The following SAMSN1 variants were observed in gnomAD, a reference collection of about 807,000 sequenced individuals.
SAMSN1 encodes the protein SAM domain-containing protein SAMSN-1.
In SAMSN1, 31 loss-of-function variants were observed where a neutral mutation model predicts 42.0. The observed-to-expected ratio is 0.74, with a 90% CI of 0.55 to 1.00. The LOEUF is 1.00. Among genes scored for constraint, SAMSN1 ranks in the 50% least tolerant of loss-of-function variants. The pLI is 0.00. For missense variants in SAMSN1, 464 were observed against 439.4 expected (o/e 1.06, Z -0.50); for synonymous variants, 178 against 151.9 (o/e 1.17, Z -1.26).
chr21:14,622,994 C>A (rs1157454785), intron 2 of SAMSN1, among the ~76,000 whole-genome samples: 1 of 152,172 alleles, frequency 6.6e-6, no homozygotes, highest in African/African-American at 2.4e-5. Flanking sequence ...GAATTTTCAA[C>A]CCAGAATTTC....
At chr21:14,612,518 T>C in intron 4 of SAMSN1, 2 of 398,696 alleles carry the variant, frequency 5.0e-6, no homozygotes, top group Non-Finnish European at 1.0e-5. Flanking sequence ...TTTCTGCTAA[T>C]TTTTTATTGT....
upstream of SAMSN1, among the ~76,000 whole-genome samples, chr21:14,587,993 G>T (rs1054146107): frequency 3.7e-5 from 5 of 133,410 alleles, no homozygotes; most frequent in African/African-American, 8.5e-5. Context: ...GAGAATATGC[G>T]GTGTTTGGTT....
At chr21:14,586,155 TG>T (rs1981908441), upstream of SAMSN1, among the ~76,000 whole-genome samples, 1 of 144,990 alleles carries the variant, frequency 6.9e-6, no homozygotes, top group African/African-American at 2.6e-5. Flanking sequence ...CCCAGCTACT[TG>T]GGAGGCTGAG....
chr21:14,507,420 C>G (rs1987464199), intron 5 of SAMSN1, among the ~76,000 whole-genome samples: 1 of 152,130 alleles, frequency 6.6e-6, no homozygotes, highest in Admixed American at 6.5e-5. Context: ...AGAATCAAAT[C>G]AAGAACTCAA....
At chr21:14,509,676 G>A (rs1052049793) in intron 5 of SAMSN1, among the ~76,000 whole-genome samples, 4 of 152,136 alleles carry the variant, frequency 2.6e-5, no homozygotes, top group Non-Finnish European at 5.9e-5. Context: ...GCAAGTATCA[G>A]GCAGAGTTGG....
intron 1 of SAMSN1, among the ~76,000 whole-genome samples, chr21:14,656,532 G>A (rs534975690): frequency 5.3e-5 from 8 of 151,700 alleles, no homozygotes; most frequent in Non-Finnish European, 1.0e-4. Flanking sequence ...TGCCTCAAAT[G>A]AGCAAGTTTT....
chr21:14,520,874 C>A (rs530112369), intron 2 of SAMSN1, among the ~76,000 whole-genome samples: 4 of 151,786 alleles, frequency 2.6e-5, no homozygotes, highest in Admixed American at 6.6e-5. Flanking sequence ...GTTGAGAGTT[C>A]CTCTTTTTTT....
At chr21:14,581,344 CTTTTTTTTTTTTT>C (rs56728511) in intron 2 of SAMSN1, among the ~76,000 whole-genome samples, 12 of 32,588 alleles carry the variant, frequency 3.7e-4, no homozygotes, top group East Asian at 1.3e-3. Flanking sequence ...AATAATATTT[CTTTTTTTTTTTTT>C]TTTTTTTTTT....
chr21:14,521,795 C>A (rs1406040366), intron 1 of SAMSN1, among the ~76,000 whole-genome samples: 2 of 151,766 alleles, frequency 1.3e-5, no homozygotes, highest in Non-Finnish European at 2.9e-5. Flanking sequence ...TTGACAGGTG[C>A]AGCAAAACAC....
intron 1 of SAMSN1, among the ~76,000 whole-genome samples, chr21:14,531,316 T>C (rs1979254035): frequency 2.0e-5 from 3 of 152,138 alleles, no homozygotes; most frequent in South Asian, 4.1e-4. Flanking sequence ...ATGTATTTTG[T>C]ATAGTGTCAT....
upstream of SAMSN1, chr21:14,658,869 G>A: frequency 2.9e-6 from 2 of 694,190 alleles, no homozygotes; most frequent in East Asian, 2.7e-5. Context: ...AGTTCTCATG[G>A]GAGATTATTA....
At chr21:14,490,307 CAT>C (rs1986629606) in intron 7 of SAMSN1, among the ~76,000 whole-genome samples, 1 of 152,178 alleles carries the variant, frequency 6.6e-6, no homozygotes, top group Non-Finnish European at 1.5e-5. Context: ...TGTTAAAATT[CAT>C]ATGAGAATAC....
chr21:14,626,055 C>T (rs1240781237), intron 2 of SAMSN1, among the ~76,000 whole-genome samples: 1 of 152,150 alleles, frequency 6.6e-6, no homozygotes. Context: ...ATAAATGGTG[C>T]TGGGAATACT....
chr21:14,564,450 T>C (rs1200709626), intron 2 of SAMSN1, among the ~76,000 whole-genome samples: 3 of 152,190 alleles, frequency 2.0e-5, no homozygotes, highest in Admixed American at 6.5e-5. Flanking sequence ...TCTCCTGTGT[T>C]GCAAAGAGAA....
intron 1 of SAMSN1, among the ~76,000 whole-genome samples, chr21:14,526,446 T>A (rs918832036): frequency 6.6e-6 from 1 of 152,188 alleles, no homozygotes; most frequent in African/African-American, 2.4e-5. Flanking sequence ...TTGAACACAT[T>A]TGTGTATGTG....
intron 2 of SAMSN1, among the ~76,000 whole-genome samples, chr21:14,579,855 G>C (rs1600942366): frequency 6.6e-6 from 1 of 152,056 alleles, no homozygotes; most frequent in Non-Finnish European, 1.5e-5. Flanking sequence ...GTTATTCATA[G>C]GAAGTATACA....
chr21:14,599,239 C>T (rs900674593), intron 6 of SAMSN1, among the ~76,000 whole-genome samples: 8 of 152,250 alleles, frequency 5.3e-5, no homozygotes, highest in East Asian at 1.9e-4. Context: ...GTGTCAAGGG[C>T]GGGATCAGAT....
chr21:14,602,064 G>A (rs1371688777), exon 6 of SAMSN1: 2 of 694,284 alleles, frequency 2.9e-6, no homozygotes, highest in Non-Finnish European at 5.4e-6. Context: ...TGATAGGTAT[G>A]TATGTTGTTA....
chr21:14,619,776 GA>G (rs1031308089), intron 2 of SAMSN1: 2 of 179,110 alleles, frequency 1.1e-5, no homozygotes, highest in African/African-American at 4.8e-5. Flanking sequence ...AAAACTCAGA[GA>G]AAAGTGTATT....
Sources: gnomAD v4.1 joint callset for allele counts (sites outside exome capture counted in the v4.1 genomes callset) on GRCh38, gnomAD v4.1.1 for gene constraint, MANE v1.5 for transcripts, NCBI Gene and HGNC (gene_info 2026-07-23, HGNC 2026-07-21) for gene names.